The following TAOK1 variants were observed in gnomAD, a reference collection of about 807,000 sequenced individuals.
TAOK1 encodes the protein serine/threonine-protein kinase TAO1.
In TAOK1, 21 loss-of-function variants were observed where a neutral mutation model predicts 138.3. That is an observed-to-expected ratio of 0.15 (90% CI 0.11 to 0.22). The LOEUF (loss-of-function observed/expected upper bound fraction) is 0.22, where lower values mean the gene tolerates loss of function less well. Among genes scored for constraint, TAOK1 ranks in the 10% least tolerant of loss-of-function variants. TAOK1 has a pLI of 1.00. For synonymous variants in TAOK1, 361 were observed against 398.4 expected, an observed-to-expected ratio of 0.91 and a Z score of 1.12; for missense variants, 651 against 1,227.7, an observed-to-expected ratio of 0.53 and a Z score of 7.02.
rs549288766 is a variant in TAOK1, at chr17:29,498,359, T to C, written c.1041T>C (p.Ser347=). Residue 347 remains serine (S), a synonymous_variant, in exon 12 of 20, where the codon AGT becomes AGC. Transcript: ENST00000261716. ...HGVGRTGTVN[S]VGSNQSIPSM... ...TTGGCCGGACAGGAACAGTTAATAG[T>C]GTTGGAAGTAATCAATCCATTCCCA... 6.2e-7 allele frequency: 1 copy of C among 1,614,090 alleles called. No homozygotes were observed. Among genetic ancestry groups the C allele is most frequent in the East Asian group, 2.2e-5 (1 of 44,886 alleles).
chr17:29,535,132 G>A (rs2032201123), intron 19 of TAOK1, among the ~76,000 whole-genome samples: 1 of 150,878 alleles, frequency 6.6e-6, no homozygotes, highest in Admixed American at 6.6e-5. Flanking sequence ...GGCAACACAG[G>A]GAGACCCTAT....
intron 1 of TAOK1, among the ~76,000 whole-genome samples, chr17:29,428,488 A>G (rs1290555032): frequency 1.3e-5 from 2 of 152,196 alleles, no homozygotes; most frequent in African/African-American, 4.8e-5. Context: ...TAGAGTGCCT[A>G]GATAGCCTAG....
rs538900027 is a variant in TAOK1, at chr17:29,431,530, C to T, written c.-94-19925C>T. ...ACACACTTTAATTTTATAGGCAACTCAGAAAGAAGATTGGCTTGAATGACT... is the reference window on the plus strand; with the variant it reads ...ACACACTTTAATTTTATAGGCAACTTAGAAAGAAGATTGGCTTGAATGACT... On this transcript the variant is annotated intron_variant, in intron 1 of 19. Transcript: ENST00000261716. 3.3e-3 allele frequency among the ~76,000 whole-genome samples: 500 copies of T among 151,548 alleles called. 5 individuals are homozygous for T. The highest frequency in any genetic ancestry group is 3.5e-3 in the Non-Finnish European group (239 of 67,888).
At chr17:29,444,185 A>G (rs1416856712) in intron 1 of TAOK1, among the ~76,000 whole-genome samples, 1 of 151,504 alleles carries the variant, frequency 6.6e-6, no homozygotes, top group African/African-American at 2.4e-5. Context: ...GTATTTCTGT[A>G]TGTGTATTTA....
intron 17 of TAOK1, among the ~76,000 whole-genome samples, chr17:29,527,620 G>A (rs1314873169): frequency 6.6e-6 from 1 of 152,206 alleles, no homozygotes; most frequent in Non-Finnish European, 1.5e-5. Flanking sequence ...TTGTAGTATT[G>A]AGGGGAGTAC....
At position 29,471,498 on chromosome 17, in the gene TAOK1, C is replaced by T. The variant is rs529760758; in HGVS notation, c.205-4172C>T. Among the ~76,000 whole-genome samples the T allele has an allele frequency of 2.0e-5, 3 of 151,654 alleles. No individual in the cohort carries two copies. The South Asian group carries it at 6.2e-4, about 32-fold the overall frequency. On this transcript the variant is annotated intron_variant, in intron 3 of 19. Coordinates refer to ENST00000261716, the MANE Select transcript of TAOK1 (RefSeq NM_020791.4). ...TTCATCATCTTGGCCAGGATGGTCT[C>T]GATCTCTTGACCTCGTGATCCCCCC... is the stretch of plus-strand genomic sequence containing the variant.
At chr17:29,527,752 A>G (rs1242356206) in intron 17 of TAOK1, among the ~76,000 whole-genome samples, 2 of 152,230 alleles carry the variant, frequency 1.3e-5, no homozygotes, top group Admixed American at 6.5e-5. Context: ...GTTCTGCCTC[A>G]GTGCAGTAAA....
At chr17:29,487,167 A>T (rs975959521) in intron 8 of TAOK1, among the ~76,000 whole-genome samples, 3 of 146,644 alleles carry the variant, frequency 2.0e-5, no homozygotes, top group African/African-American at 7.7e-5. Context: ...AATTGCTTGA[A>T]CCTGGGAGGC....
intron 13 of TAOK1, among the ~76,000 whole-genome samples, chr17:29,503,312 T>C (rs1302924300): frequency 6.9e-6 from 1 of 145,066 alleles, no homozygotes; most frequent in African/African-American, 2.6e-5. Context: ...AGGAGAATGG[T>C]GTGAACCTGG....
At chr17:29,445,692 A>G (rs533310857) in intron 1 of TAOK1, among the ~76,000 whole-genome samples, 1 of 152,128 alleles carries the variant, frequency 6.6e-6, no homozygotes, top group East Asian at 1.9e-4. Flanking sequence ...ATTTTTATAT[A>G]TTGCTGAATT....
intron 8 of TAOK1, among the ~76,000 whole-genome samples, chr17:29,484,676 C>T (rs2153027105): frequency 1.3e-5 from 2 of 152,188 alleles, no homozygotes; most frequent in Middle Eastern, 3.4e-3. Flanking sequence ...ACAATCTTGG[C>T]TCACTGCAAC....
chr17:29,442,186 C>T (rs1410547393), intron 1 of TAOK1, among the ~76,000 whole-genome samples: 1 of 151,862 alleles, frequency 6.6e-6, no homozygotes, highest in Non-Finnish European at 1.5e-5. Context: ...GCTGGGACAA[C>T]AGGCATATGA....
chr17:29,458,516 G>C (rs12950804), intron 2 of TAOK1, among the ~76,000 whole-genome samples: 21,439 of 151,966 alleles, frequency 0.14, 1,934 homozygotes, highest in Middle Eastern at 0.21. Flanking sequence ...TTTTTGTTTT[G>C]AGACGAAGTC....
At chr17:29,425,350 G>A (rs1418915373) in intron 1 of TAOK1, among the ~76,000 whole-genome samples, 2 of 152,160 alleles carry the variant, frequency 1.3e-5, no homozygotes, top group African/African-American at 4.8e-5. Flanking sequence ...TGGGATTGCA[G>A]GTGGGAGCCA....
Position 29,498,337 on chromosome 17 carries a change from G to T in TAOK1, c.1019G>T (p.Gly340Val). ...EEEEEQDHGV[G>V]RTGTVNSVGS... ...TCTTAGGAACAAGATCATGGTGTTGGCCGGACAGGAACAGTTAATAGTGTT... is the reference window on the plus strand; with the variant it reads ...TCTTAGGAACAAGATCATGGTGTTGTCCGGACAGGAACAGTTAATAGTGTT... The change falls in exon 12 of 20, where the codon GGC becomes GTC. Residue 340 changes from glycine to valine, a missense_variant. By Grantham distance (109) the Gly-to-Val change is moderately radical (BLOSUM62 -3). Transcript: ENST00000261716. 6.2e-7 allele frequency: 1 copy of T among 1,614,124 alleles called. No homozygotes were observed. Among genetic ancestry groups the T allele is most frequent in the Non-Finnish European group, 8.5e-7 (1 of 1,180,008 alleles).
intron 17 of TAOK1, among the ~76,000 whole-genome samples, chr17:29,528,301 G>A (rs1223015006): frequency 6.6e-6 from 1 of 152,130 alleles, no homozygotes. Flanking sequence ...GGCCACCTCA[G>A]CCTCCCAAAG....
intron 2 of TAOK1, 168 bp downstream of exon 2, chr17:29,451,848 C>G (rs956474083): frequency 9.7e-5 from 56 of 576,034 alleles, no homozygotes; most frequent in Non-Finnish European, 1.4e-5. Flanking sequence ...GTGTGTGTGT[C>G]TGTGTGTAAA....
intron 9 of TAOK1, among the ~76,000 whole-genome samples, chr17:29,490,456 T>C (rs191487160): frequency 1.6e-4 from 25 of 152,290 alleles, no homozygotes; most frequent in East Asian, 1.3e-3. Context: ...TTAATAAATA[T>C]TTTGAAATTC....
intron 1 of TAOK1, among the ~76,000 whole-genome samples, chr17:29,422,614 A>T (rs887851830): frequency 1.3e-5 from 2 of 152,170 alleles, no homozygotes; most frequent in Non-Finnish European, 2.9e-5. Context: ...ACTTATAATA[A>T]TCCCATATTT....
Sources: gnomAD v4.1 joint callset for allele counts (sites outside exome capture counted in the v4.1 genomes callset) on GRCh38, gnomAD v4.1.1 for gene constraint, MANE v1.5 for transcripts, NCBI Gene and HGNC (gene_info 2026-07-23, HGNC 2026-07-21) for gene names.